TSHR: variants seen among roughly 807,000 people sequenced by gnomAD.
TSHR encodes thyrotropin receptor.
TSHR carries 51 observed loss-of-function variants against 64.1 expected under a neutral mutation model. That is an observed-to-expected ratio of 0.80 (90% CI 0.64 to 1.01). The LOEUF (loss-of-function observed/expected upper bound fraction) is 1.01, where lower values mean the gene tolerates loss of function less well. Among genes scored for constraint, TSHR ranks in the 50% least tolerant of loss-of-function variants. TSHR has a pLI of 0.00. For missense variants in TSHR, 877 were observed against 942.8 expected (o/e 0.93, Z 0.91); for synonymous variants, 361 against 361.9 (o/e 1.00, Z 0.03).
intron 8 of TSHR, among the ~76,000 whole-genome samples, chr14:81,136,115 G>A (rs1346304050): frequency 6.6e-6 from 1 of 152,238 alleles, no homozygotes; most frequent in East Asian, 1.9e-4. Context: ...AGACCTTAAA[G>A]GGCATGGTAG....
chr14:81,045,757 C>T (rs1476977084), intron 1 of TSHR, among the ~76,000 whole-genome samples: 1 of 152,126 alleles, frequency 6.6e-6, no homozygotes, highest in Non-Finnish European at 1.5e-5. Context: ...TAAATAATAT[C>T]GGACATATAC....
intron 7 of TSHR, 48 bp from the exon 8 acceptor site, chr14:81,108,326 TA>T (rs765203903): frequency 1.4e-6 from 2 of 1,422,040 alleles, no homozygotes; most frequent in Non-Finnish European, 2.0e-6. Flanking sequence ...TGTGATTTCT[TA>T]AAATCACCTA....
chr14:81,113,110 A>C (rs1329689234), intron 8 of TSHR, among the ~76,000 whole-genome samples: 2 of 152,226 alleles, frequency 1.3e-5, no homozygotes, highest in Admixed American at 6.5e-5. Flanking sequence ...GTAGGGAACC[A>C]AGTATGGAAG....
chr14:81,033,441 T>C (rs752125623), intron 1 of TSHR: 11 of 170,532 alleles, frequency 6.5e-5, no homozygotes, highest in Non-Finnish European at 1.3e-4. Context: ...TTTTGCACTT[T>C]CCTTTCAGGG....
rs142527928 is a variant in TSHR at position 80,968,769 on chromosome 14, T to C, written c.170+12919T>C. On this transcript the variant is annotated intron_variant, in intron 1 of 9. Coordinates refer to ENST00000298171, the MANE Select transcript of TSHR (RefSeq NM_000369.5). ...TTCCCTGCATTCTAGACACACTCCT[T>C]ACTCTTCCTAATGTGTAGCAGCTGC... Among the ~76,000 whole-genome samples, 512 of 152,330 alleles carry C rather than the reference T, an allele frequency of 3.4e-3. 6 individuals carry two copies. Among genetic ancestry groups the C allele is most frequent in the African/African-American group, 0.012 (496 of 41,572 alleles).
At chr14:81,002,808 A>AT (rs1889405635) in intron 1 of TSHR, among the ~76,000 whole-genome samples, 5 of 25,546 alleles carry the variant, frequency 2.0e-4, no homozygotes, top group Non-Finnish European at 4.1e-4. Context: ...TTTTTTTTTT[A>AT]TCTTTTTTTT....
At chr14:81,035,901 C>T (rs767298491) in intron 1 of TSHR, among the ~76,000 whole-genome samples, 1 of 151,724 alleles carries the variant, frequency 6.6e-6, no homozygotes, top group Non-Finnish European at 1.5e-5. Context: ...TAAAAAGAAC[C>T]AAACAGAAAT....
intron 1 of TSHR, among the ~76,000 whole-genome samples, chr14:80,965,688 A>C (rs940515341): frequency 6.6e-6 from 1 of 152,238 alleles, no homozygotes; most frequent in African/African-American, 2.4e-5. Flanking sequence ...TCAAAATTAT[A>C]GATTGAGTTT....
rs551884243 is a variant in TSHR at position 81,073,106 on chromosome 14, TAA to T, written c.317+4780_317+4781del. ...TGTAAATATGCATACATATAAAGCA[TAA>T]AGTCTTACTCTAAGGGACACTTCAT... On this transcript the variant is annotated intron_variant, in intron 3 of 9. Coordinates refer to ENST00000298171, the MANE Select transcript of TSHR (RefSeq NM_000369.5). 1.9e-4 allele frequency among the ~76,000 whole-genome samples: 27 copies of T among 143,206 alleles called. No individual in the cohort carries two copies. In the South Asian group the frequency reaches 4.2e-3, roughly 22 times the overall value. The allele number at this position is 143,206 out of a possible 152,430, so 93.9% of individuals were successfully genotyped here.
chr14:81,029,488 T>C (rs998298822), intron 1 of TSHR, among the ~76,000 whole-genome samples: 1 of 152,136 alleles, frequency 6.6e-6, no homozygotes, highest in African/African-American at 2.4e-5. Context: ...TACAGTTCCA[T>C]ATCTGCACCC....
At chr14:81,069,611 G>T (rs967639927) in intron 3 of TSHR, among the ~76,000 whole-genome samples, 1 of 152,110 alleles carries the variant, frequency 6.6e-6, no homozygotes, top group Non-Finnish European at 1.5e-5. Flanking sequence ...ATCTATTAGG[G>T]CTAGGAAAAT....
chr14:80,957,993 G>A (rs763716442), intron 1 of TSHR: 3 of 152,176 alleles, frequency 2.0e-5, no homozygotes, highest in Non-Finnish European at 2.9e-5. Context: ...AGATCGAAAA[G>A]AGAAACCTGA....
chr14:81,023,088 A>G lies in TSHR; in HGVS notation c.171-39060A>G, dbSNP rs141434025. On this transcript the variant is annotated intron_variant, in intron 1 of 9. Transcript: ENST00000298171. ...TCTAGAAGGTGAGAAATAAATTTCT[A>G]TTGTCCATAAATTACTCAGTTTAAC... Among the ~76,000 whole-genome samples, 14 of 152,296 alleles carry G rather than the reference A, an allele frequency of 9.2e-5. No homozygotes were observed. In the East Asian group the frequency reaches 2.7e-3, roughly 29 times the overall value.
rs534362860 is a variant in TSHR at position 81,145,035 on chromosome 14, C to T, written c.*682C>T. On this transcript the variant is annotated 3_prime_UTR_variant, in exon 10 of 10. Transcript: ENST00000298171. Reference sequence around the variant, plus strand: ...CCTGGAAAAACTGGCAAGATTTCAGCTTATGTGGCCTAGCAAACTAAGAAT... The same window carrying T: ...CCTGGAAAAACTGGCAAGATTTCAGTTTATGTGGCCTAGCAAACTAAGAAT... 224 of 233,318 alleles carry T rather than the reference C, an allele frequency of 9.6e-4. 2 individuals carry two copies. In the East Asian group the frequency reaches 0.013, roughly 14 times the overall value. 14.5% of individuals were successfully genotyped at this position (233,318 alleles called of 1,614,324 possible). A position where few individuals can be genotyped will look rare whatever the true frequency, so the allele number is the denominator to read the frequency against.
intron 3 of TSHR, among the ~76,000 whole-genome samples, chr14:81,074,410 T>C (rs1450943293): frequency 6.6e-6 from 1 of 152,178 alleles, no homozygotes; most frequent in Non-Finnish European, 1.5e-5. Flanking sequence ...AATCAAAGCA[T>C]TATAACTTGC....
At chr14:81,048,597 G>A (rs1885284474) in intron 1 of TSHR, among the ~76,000 whole-genome samples, 2 of 152,132 alleles carry the variant, frequency 1.3e-5, no homozygotes, top group Non-Finnish European at 2.9e-5. Context: ...GTGACCCTGA[G>A]CTGGAATAAG....
chr14:80,974,628 C>A (rs926949474), intron 1 of TSHR, among the ~76,000 whole-genome samples: 2 of 152,170 alleles, frequency 1.3e-5, no homozygotes, highest in African/African-American at 4.8e-5. Flanking sequence ...TCTTTTAAGG[C>A]TCTGTCTGAT....
At chr14:81,067,116 T>G (rs368526532) in intron 2 of TSHR, among the ~76,000 whole-genome samples, 13 of 152,148 alleles carry the variant, frequency 8.5e-5, no homozygotes, top group East Asian at 7.7e-4. Context: ...TGAAGAGAAG[T>G]CTTAAGGGAG....
intron 1 of TSHR, among the ~76,000 whole-genome samples, chr14:80,964,347 T>A (rs903708261): frequency 6.6e-6 from 1 of 152,236 alleles, no homozygotes; most frequent in African/African-American, 2.4e-5. Flanking sequence ...TTCTCTTAGA[T>A]CACCTCTGAT....
Sources: gnomAD v4.1 joint callset for allele counts (sites outside exome capture counted in the v4.1 genomes callset) on GRCh38, gnomAD v4.1.1 for gene constraint, MANE v1.5 for transcripts, NCBI Gene and HGNC (gene_info 2026-07-23, HGNC 2026-07-21) for gene names.